Variants in PCCA observed in about 807,000 individuals in gnomAD.
PCCA encodes the protein propionyl-CoA carboxylase alpha chain, mitochondrial.
A neutral mutation model predicts 101.3 loss-of-function variants in PCCA; 74 were observed. That is an observed-to-expected ratio of 0.73 (90% CI 0.61 to 0.89). PCCA has a LOEUF of 0.89. Among genes scored for constraint, PCCA ranks in the 40% least tolerant of loss-of-function variants. The pLI is 0.00. For synonymous variants in PCCA, 294 were observed against 313.6 expected (o/e 0.94, Z 0.66); for missense variants, 891 against 907.0 (o/e 0.98, Z 0.23).
chr13:100,388,012 C>A (rs1427625702), intron 19 of PCCA, among the ~76,000 whole-genome samples: 1 of 152,052 alleles, frequency 6.6e-6, no homozygotes, highest in Non-Finnish European at 1.5e-5. Flanking sequence ...TAGTATTAGC[C>A]CTGGATTCAC....
At chr13:100,285,464 GC>G (rs1304809245) in intron 12 of PCCA, among the ~76,000 whole-genome samples, 1 of 152,192 alleles carries the variant, frequency 6.6e-6, no homozygotes, top group Non-Finnish European at 1.5e-5. Context: ...TGATGTAGTA[GC>G]AAAAGGCTGG....
chr13:100,198,064 T>A (rs1286183526), intron 6 of PCCA: 1 of 152,264 alleles, frequency 6.6e-6, no homozygotes, highest in African/African-American at 2.4e-5. Flanking sequence ...CAATACACAG[T>A]GTTGCACAGC....
intron 19 of PCCA, among the ~76,000 whole-genome samples, chr13:100,397,944 C>A (rs1360440224): frequency 6.6e-6 from 1 of 152,160 alleles, no homozygotes. Context: ...CTTTGAAAAC[C>A]TAGTGATGAT....
intron 7 of PCCA, among the ~76,000 whole-genome samples, chr13:100,229,069 G>A (rs1385837506): frequency 6.7e-6 from 1 of 149,864 alleles, no homozygotes; most frequent in African/African-American, 2.5e-5. Flanking sequence ...TTGCCATGTA[G>A]AATTTGATTT....
intron 21 of PCCA, among the ~76,000 whole-genome samples, chr13:100,470,886 T>C (rs1383620509): frequency 1.3e-5 from 2 of 152,050 alleles, no homozygotes; most frequent in Admixed American, 6.6e-5. Flanking sequence ...AAACTTTTCA[T>C]ATCAGCAACA....
At chr13:100,414,195 T>C (rs1190826306) in intron 19 of PCCA, among the ~76,000 whole-genome samples, 1 of 152,244 alleles carries the variant, frequency 6.6e-6, no homozygotes, top group Non-Finnish European at 1.5e-5. Context: ...TCATTATGTG[T>C]AATTCCTCTT....
chr13:100,286,601 A>C (rs149496793), intron 12 of PCCA, among the ~76,000 whole-genome samples: 26 of 152,350 alleles, frequency 1.7e-4, no homozygotes, highest in African/African-American at 6.3e-4. Context: ...TTTAGAACTC[A>C]TATCTAACAA....
At chr13:100,471,755 T>C (rs2152956061) in intron 21 of PCCA, among the ~76,000 whole-genome samples, 1 of 152,340 alleles carries the variant, frequency 6.6e-6, no homozygotes, top group Middle Eastern at 3.4e-3. Context: ...ACATGCTGTG[T>C]GTGTGTTCTG....
intron 12 of PCCA, among the ~76,000 whole-genome samples, chr13:100,299,871 C>T (rs1208056657): frequency 6.6e-6 from 1 of 152,176 alleles, no homozygotes; most frequent in Non-Finnish European, 1.5e-5. Flanking sequence ...TGCCACCACA[C>T]CCGGCTAATT....
intron 18 of PCCA, among the ~76,000 whole-genome samples, chr13:100,361,117 C>G (rs1209251605): frequency 6.6e-6 from 1 of 151,938 alleles, no homozygotes; most frequent in African/African-American, 2.4e-5. Context: ...TGGTAGAGAT[C>G]AGTGATTGCC....
chr13:100,368,983 T>A (rs981453621), intron 19 of PCCA, among the ~76,000 whole-genome samples: 1 of 152,212 alleles, frequency 6.6e-6, no homozygotes, highest in African/African-American at 2.4e-5. Context: ...CTCTTGAGGC[T>A]AAATTTACCT....
chr13:100,181,363 A>G (rs2152430645), intron 6 of PCCA, among the ~76,000 whole-genome samples: 1 of 152,316 alleles, frequency 6.6e-6, no homozygotes, highest in South Asian at 2.1e-4. Context: ...AAAGTAGGGC[A>G]CAGAACTTGC....
chr13:100,364,368 G>A (rs1405057326), intron 18 of PCCA, among the ~76,000 whole-genome samples: 1 of 152,148 alleles, frequency 6.6e-6, no homozygotes, highest in Non-Finnish European at 1.5e-5. Context: ...GTAGGTAATT[G>A]TTACTATCAT....
At chr13:100,123,816 G>A (rs925223127) in intron 4 of PCCA, among the ~76,000 whole-genome samples, 7 of 152,134 alleles carry the variant, frequency 4.6e-5, no homozygotes, top group African/African-American at 9.7e-5. Context: ...GGATTTTTGA[G>A]TTGTTAAAGA....
intron 12 of PCCA, among the ~76,000 whole-genome samples, chr13:100,300,076 A>G (rs1344024347): frequency 1.3e-5 from 2 of 152,256 alleles, no homozygotes; most frequent in African/African-American, 4.8e-5. Flanking sequence ...TCTAGTAATA[A>G]TAGAGGGTTT....
At chr13:100,513,460 A>G (rs183656652) in intron 21 of PCCA, among the ~76,000 whole-genome samples, 1 of 152,360 alleles carries the variant, frequency 6.6e-6, no homozygotes, top group East Asian at 1.9e-4. Context: ...TCTCTTTCCA[A>G]GCAAAGCAGG....
In PCCA at chr13:100,356,546, A is replaced by G. The variant is rs180946596; in HGVS notation, c.1644-11926A>G. Among the ~76,000 whole-genome samples the G allele has an allele frequency of 2.9e-3, 443 of 152,298 alleles. 1 individual carries two copies. Among genetic ancestry groups the G allele is most frequent in the Middle Eastern group, 0.01 (3 of 294 alleles). On this transcript the variant is annotated intron_variant, in intron 18 of 23. Coordinates refer to ENST00000376285, the MANE Select transcript of PCCA (RefSeq NM_000282.4). ...TAGGAAAATGTAAGTCATAACCACA[A>G]TGAGATACCACTTCACACCCATGAA... is the stretch of plus-strand genomic sequence containing the variant.
chr13:100,507,121 GA>G (rs964358737), intron 21 of PCCA, among the ~76,000 whole-genome samples: 1 of 152,000 alleles, frequency 6.6e-6, no homozygotes, highest in African/African-American at 2.4e-5. Context: ...TGAGTAAAAA[GA>G]AAAAAATGAC....
At chr13:100,268,919 G>A (rs1452082484) in intron 11 of PCCA, 136 bp downstream of exon 11, 13 of 729,758 alleles carry the variant, frequency 1.8e-5, no homozygotes, top group Non-Finnish European at 2.4e-5. Flanking sequence ...GTGCAATCAC[G>A]GCTCACTGCA....
Sources: allele counts gnomAD v4.1 joint callset (sites outside exome capture counted in the v4.1 genomes callset), GRCh38; gene constraint gnomAD v4.1.1; transcripts MANE v1.5; gene names NCBI Gene and HGNC (gene_info 2026-07-23, HGNC 2026-07-21).